The following ZCCHC7 variants were observed in gnomAD, a reference collection of about 807,000 sequenced individuals.
ZCCHC7 encodes zinc finger CCHC domain-containing protein 7.
In ZCCHC7, 35 loss-of-function variants were observed where a neutral mutation model predicts 52.0. That is an observed-to-expected ratio of 0.67 (90% confidence interval 0.51 to 0.89). ZCCHC7 has a LOEUF of 0.89. Among genes scored for constraint, ZCCHC7 ranks in the 40% least tolerant of loss-of-function variants. The pLI is 0.00. For synonymous variants in ZCCHC7, 217 were observed against 221.5 expected, an observed-to-expected ratio of 0.98 and a Z score of 0.18; for missense variants, 574 against 649.1, an observed-to-expected ratio of 0.88 and a Z score of 1.26.
rs534280665 is a variant in ZCCHC7 at position 37,122,598 on chromosome 9, G to T, written c.-22+1975G>T. 2.0e-5 allele frequency among the ~76,000 whole-genome samples: 3 copies of T among 152,322 alleles called. No individual in the cohort carries two copies. In the East Asian group the frequency reaches 5.8e-4, roughly 29 times the overall value. On this transcript the variant is annotated intron_variant, in intron 1 of 8. Transcript: ENST00000336755. ...GAACCAATGCAAATATTGCAATGAAGGAAGGTTTTTCTTCAAAAAATCTTA... is the reference window on the plus strand; with the variant it reads ...GAACCAATGCAAATATTGCAATGAATGAAGGTTTTTCTTCAAAAAATCTTA...
intron 2 of ZCCHC7, among the ~76,000 whole-genome samples, chr9:37,265,303 G>A (rs1399780169): frequency 6.6e-6 from 1 of 152,088 alleles, no homozygotes; most frequent in Non-Finnish European, 1.5e-5. Context: ...TACCTTACAG[G>A]ATGAAAGGTA....
chr9:37,195,148 T>C (rs1249081368), intron 2 of ZCCHC7, among the ~76,000 whole-genome samples: 1 of 151,988 alleles, frequency 6.6e-6, no homozygotes, highest in African/African-American at 2.4e-5. Context: ...GGTTTTACCA[T>C]GTTAGCAAGG....
chr9:37,122,995 A>C (rs1012701900), intron 1 of ZCCHC7, among the ~76,000 whole-genome samples: 5 of 152,276 alleles, frequency 3.3e-5, no homozygotes, highest in Non-Finnish European at 7.3e-5. Flanking sequence ...TGAGAATCAC[A>C]GAAATGTGAA....
chr9:37,244,706 G>T (rs930167001), intron 2 of ZCCHC7, among the ~76,000 whole-genome samples: 3 of 151,836 alleles, frequency 2.0e-5, no homozygotes, highest in Admixed American at 2.0e-4. Context: ...TGCACTGTTT[G>T]TTGGCTATGG....
intron 2 of ZCCHC7, among the ~76,000 whole-genome samples, chr9:37,173,789 T>G (rs1248712545): frequency 6.6e-6 from 1 of 152,188 alleles, no homozygotes; most frequent in African/African-American, 2.4e-5. Flanking sequence ...TTGGCCCTTG[T>G]TATTACTTAA....
In ZCCHC7 at chr9:37,355,081, T is replaced by C. The variant is rs531381485; in HGVS notation, c.1198+257T>C. Among the ~76,000 whole-genome samples the C allele has an allele frequency of 4.6e-5, 7 of 152,356 alleles. No homozygotes were observed. In the East Asian group the frequency reaches 1.2e-3, roughly 25 times the overall value. ...AATGTCCAGAAAATATTGCTGTCCA[T>C]CTATATAGGCAGAGTTTTTAAAGGC... On this transcript the variant is annotated intron_variant, in intron 8 of 8. Transcript: ENST00000336755.
At chr9:37,215,742 A>G (rs1174055849) in intron 2 of ZCCHC7, among the ~76,000 whole-genome samples, 1 of 152,184 alleles carries the variant, frequency 6.6e-6, no homozygotes, top group Non-Finnish European at 1.5e-5. Context: ...AAATTTTGTT[A>G]CCACTCTTAA....
chr9:37,143,714 T>C (rs1384030356), intron 2 of ZCCHC7, among the ~76,000 whole-genome samples: 1 of 151,798 alleles, frequency 6.6e-6, no homozygotes, highest in South Asian at 2.1e-4. Context: ...AATTTTGTTA[T>C]GATAAATATT....
intron 2 of ZCCHC7, among the ~76,000 whole-genome samples, chr9:37,138,112 G>A (rs1175994349): frequency 1.3e-5 from 2 of 152,112 alleles, no homozygotes; most frequent in Non-Finnish European, 2.9e-5. Flanking sequence ...TTTAGTTGTA[G>A]CATGTCACCT....
chr9:37,269,347 G>A lies in ZCCHC7; in HGVS notation c.611-32841G>A, dbSNP rs78051206. ...AGAAAAGAGAATGGTGAGAGGGCCT[G>A]TAGTACCTGCAGAAATACCAGTTAA... is the stretch of plus-strand genomic sequence containing the variant. On this transcript the variant is annotated intron_variant, in intron 2 of 8. Coordinates refer to ENST00000336755, the MANE Select transcript of ZCCHC7 (RefSeq NM_032226.3). 2.5e-4 allele frequency among the ~76,000 whole-genome samples: 38 copies of A among 152,318 alleles called. 1 individual carries two copies. In the East Asian group the frequency reaches 6.7e-3, roughly 27 times the overall value.
rs770696285 is a variant in ZCCHC7, at chr9:37,357,306, A to G, written c.*38A>G. 2.0e-6 allele frequency: 3 copies of G among 1,538,012 alleles called. No individual in the cohort carries two copies. Among genetic ancestry groups the G allele is most frequent in the South Asian group, 1.3e-5 (1 of 76,870 alleles). On this transcript the variant is annotated 3_prime_UTR_variant, in exon 9 of 9. Coordinates refer to ENST00000336755, the MANE Select transcript of ZCCHC7 (RefSeq NM_032226.3). ...CCTCTGATGTGGCTTTTCATTGTTC[A>G]TTTGGCCTTTGTGTCTATAACCTTC...
chr9:37,313,731 GCT>G (rs958419489), intron 5 of ZCCHC7, among the ~76,000 whole-genome samples: 20 of 152,152 alleles, frequency 1.3e-4, no homozygotes, highest in African/African-American at 4.6e-4. Context: ...CCCCTCATTT[GCT>G]CTCTTTCTCT....
chr9:37,169,966 G>A (rs1485748302), intron 2 of ZCCHC7, among the ~76,000 whole-genome samples: 3 of 151,894 alleles, frequency 2.0e-5, no homozygotes, highest in Non-Finnish European at 4.4e-5. Context: ...AAGAGGCTGA[G>A]GCTGGAGGGA....
At chr9:37,300,836 G>C (rs779905613) in intron 2 of ZCCHC7, among the ~76,000 whole-genome samples, 2 of 152,134 alleles carry the variant, frequency 1.3e-5, no homozygotes, top group Non-Finnish European at 2.9e-5. Flanking sequence ...GCCATGGGTG[G>C]ACCAAAGGAA....
At chr9:37,356,572 G>A (rs1403727692) in intron 8 of ZCCHC7, among the ~76,000 whole-genome samples, 1 of 152,208 alleles carries the variant, frequency 6.6e-6, no homozygotes, top group Non-Finnish European at 1.5e-5. Flanking sequence ...GATGATTACT[G>A]TTCTTACAGG....
intron 2 of ZCCHC7, among the ~76,000 whole-genome samples, chr9:37,226,792 A>G (rs867882434): frequency 6.6e-6 from 1 of 152,166 alleles, no homozygotes; most frequent in South Asian, 2.1e-4. Context: ...GCACTTTGAG[A>G]CACCGAGGCG....
chr9:37,349,128 T>C (rs1012304512), intron 6 of ZCCHC7, among the ~76,000 whole-genome samples: 1 of 152,178 alleles, frequency 6.6e-6, no homozygotes, highest in Non-Finnish European at 1.5e-5. Flanking sequence ...CAATGCCAAA[T>C]TGAATGAGGA....
intron 2 of ZCCHC7, among the ~76,000 whole-genome samples, chr9:37,211,592 A>G (rs1472986264): frequency 1.3e-5 from 2 of 152,074 alleles, no homozygotes; most frequent in East Asian, 3.9e-4. Context: ...TTCAGTTTTC[A>G]TGTCTTAGTA....
chr9:37,185,990 A>G (rs1332781211), intron 2 of ZCCHC7, among the ~76,000 whole-genome samples: 1 of 152,062 alleles, frequency 6.6e-6, no homozygotes, highest in Non-Finnish European at 1.5e-5. Context: ...TACATTATAC[A>G]GTACATATGT....
Sources: gnomAD v4.1 joint callset for allele counts (sites outside exome capture counted in the v4.1 genomes callset) on GRCh38, gnomAD v4.1.1 for gene constraint, MANE v1.5 for transcripts, NCBI Gene and HGNC (gene_info 2026-07-23, HGNC 2026-07-21) for gene names.